Variants in GSK3B observed in about 807,000 individuals in gnomAD.
GSK3B encodes the protein glycogen synthase kinase-3 beta.
GSK3B carries 15 observed loss-of-function variants against 56.4 expected under a neutral mutation model. The ratio of observed to expected loss-of-function variants is 0.27; its 90% CI spans 0.18 to 0.41. GSK3B has a LOEUF of 0.41. GSK3B is among the 10% of genes least tolerant of loss of function. The pLI, the probability that GSK3B is intolerant of heterozygous loss-of-function variation, is 1.00. For synonymous variants in GSK3B, 181 were observed against 188.9 expected, an observed-to-expected ratio of 0.96 and a Z score of 0.34; for missense variants, 300 against 513.4, an observed-to-expected ratio of 0.58 and a Z score of 4.02.
chr3:119,957,232 TATAAA>T (rs1160960875), intron 2 of GSK3B, among the ~76,000 whole-genome samples: 1 of 152,206 alleles, frequency 6.6e-6, no homozygotes, highest in African/African-American at 2.4e-5. Context: ...AAATTATAGT[TATAAA>T]ATAACATACT....
intron 1 of GSK3B, among the ~76,000 whole-genome samples, chr3:120,088,725 TC>T (rs1399869050): frequency 6.6e-6 from 1 of 152,242 alleles, no homozygotes; most frequent in Non-Finnish European, 1.5e-5. Flanking sequence ...AAGAACAATA[TC>T]CGGGGAACCC....
chr3:119,843,041 C>T (rs72548721), intron 10 of GSK3B, among the ~76,000 whole-genome samples: 30 of 151,884 alleles, frequency 2.0e-4, no homozygotes, highest in Non-Finnish European at 4.0e-4. Flanking sequence ...TCAGCCTCCC[C>T]AGAAGCTGGG....
intron 9 of GSK3B, among the ~76,000 whole-genome samples, chr3:119,857,179 T>C (rs1425308023): frequency 2.0e-5 from 3 of 152,200 alleles, no homozygotes; most frequent in Non-Finnish European, 4.4e-5. Context: ...TTGACCAGGA[T>C]ATTGGTTGCT....
At chr3:120,014,963 A>G (rs2057811254) in intron 1 of GSK3B, among the ~76,000 whole-genome samples, 2 of 152,228 alleles carry the variant, frequency 1.3e-5, no homozygotes, top group African/African-American at 4.8e-5. Flanking sequence ...AATTCTGAAG[A>G]ATCATAACAT....
chr3:120,070,248 A>C (rs998662289), intron 1 of GSK3B, among the ~76,000 whole-genome samples: 1 of 151,904 alleles, frequency 6.6e-6, no homozygotes, highest in African/African-American at 2.4e-5. Context: ...AACAAAAAAA[A>C]AAAACATCCT....
chr3:119,826,899 A>G (rs909157353), intron 10 of GSK3B, 44 bp from the exon 11 acceptor site: 2 of 1,210,832 alleles, frequency 1.7e-6, no homozygotes, highest in Non-Finnish European at 2.5e-6. Context: ...GCAATGCTAT[A>G]ACAACAAAAG....
At chr3:119,916,956 G>C (rs77499414) in intron 4 of GSK3B, among the ~76,000 whole-genome samples, 2,431 of 152,216 alleles carry the variant, frequency 0.016, 63 homozygotes, top group African/African-American at 0.055. Flanking sequence ...CTGGAGGAGA[G>C]AGAAACTTCA....
intron 9 of GSK3B, among the ~76,000 whole-genome samples, chr3:119,849,794 C>T (rs1291853188): frequency 6.6e-6 from 1 of 152,080 alleles, no homozygotes; most frequent in Non-Finnish European, 1.5e-5. Context: ...CTACACAGAG[C>T]CTCTCATATA....
chr3:120,063,274 A>G (rs916086319), intron 1 of GSK3B, among the ~76,000 whole-genome samples: 2 of 152,220 alleles, frequency 1.3e-5, no homozygotes, highest in African/African-American at 4.8e-5. Flanking sequence ...GTGCACTTCT[A>G]TACTGTTTTG....
intron 8 of GSK3B, 66 bp downstream of exon 8, chr3:119,876,347 A>G: frequency 1.2e-6 from 1 of 849,138 alleles, no homozygotes; most frequent in Non-Finnish European, 2.0e-6. Flanking sequence ...AAAATAGTTT[A>G]AGAACAATGA....
chr3:120,083,904 T>C (rs901760459), intron 1 of GSK3B, among the ~76,000 whole-genome samples: 6 of 152,228 alleles, frequency 3.9e-5, no homozygotes, highest in African/African-American at 1.2e-4. Context: ...AATCCATTTA[T>C]ATGAAATGTC....
chr3:119,987,900 T>A lies in GSK3B; in HGVS notation c.282+14146A>T, dbSNP rs1036104791. Among the ~76,000 whole-genome samples the A allele has an allele frequency of 1.8e-4, 28 of 152,354 alleles. No individual in the cohort carries two copies. The East Asian group carries it at 4.4e-3, about 24-fold the overall frequency. ...CCAAAGTTATGGAAGACTCCTATAA[T>A]TCTGATATATATTAGTGTACATTTT... On this transcript the variant is annotated intron_variant, in intron 2 of 10. Transcript: ENST00000264235.
intron 9 of GSK3B, among the ~76,000 whole-genome samples, chr3:119,852,168 TATG>T (rs2055939024): frequency 1.3e-5 from 2 of 152,192 alleles, no homozygotes; most frequent in African/African-American, 2.4e-5. Flanking sequence ...GACTATATAA[TATG>T]ATATTTGCTG....
At chr3:120,074,899 C>T (rs1193585420) in intron 1 of GSK3B, among the ~76,000 whole-genome samples, 1 of 152,110 alleles carries the variant, frequency 6.6e-6, no homozygotes, top group Non-Finnish European at 1.5e-5. Context: ...TTTGATAAGG[C>T]CAGCATCACC....
intron 1 of GSK3B, among the ~76,000 whole-genome samples, chr3:120,014,398 C>T (rs578055890): frequency 6.6e-6 from 1 of 152,042 alleles, no homozygotes; most frequent in South Asian, 2.1e-4. Context: ...GAAAACTGAG[C>T]CCCATGGGAT....
At chr3:120,045,855 TA>T (rs992526585) in intron 1 of GSK3B, among the ~76,000 whole-genome samples, 2 of 152,060 alleles carry the variant, frequency 1.3e-5, no homozygotes, top group Non-Finnish European at 2.9e-5. Context: ...GGTAAGCAGC[TA>T]AAAAAATTGT....
intron 1 of GSK3B, chr3:120,029,353 C>T: frequency 2.7e-6 from 2 of 753,080 alleles, no homozygotes. Flanking sequence ...AAAGCCCTTT[C>T]TTTTCCAATG....
chr3:120,080,643 C>T (rs1488758222), intron 1 of GSK3B, among the ~76,000 whole-genome samples: 1 of 151,984 alleles, frequency 6.6e-6, no homozygotes, highest in African/African-American at 2.4e-5. Flanking sequence ...CCAGCCTGGC[C>T]AGCATTATGA....
chr3:119,894,735 T>G (rs541237328), intron 7 of GSK3B, among the ~76,000 whole-genome samples: 2 of 152,284 alleles, frequency 1.3e-5, no homozygotes, highest in East Asian at 3.9e-4. Context: ...CACAAGTTTT[T>G]AAATTTGACA....
Sources: allele counts gnomAD v4.1 joint callset (sites outside exome capture counted in the v4.1 genomes callset), GRCh38; gene constraint gnomAD v4.1.1; transcripts MANE v1.5; gene names NCBI Gene and HGNC (gene_info 2026-07-23, HGNC 2026-07-21).